CPQ: variants seen among roughly 807,000 people sequenced by gnomAD.
The protein encoded by CPQ is carboxypeptidase Q, also known as Ser-Met dipeptidase.
In CPQ, 37 loss-of-function variants were observed where a neutral mutation model predicts 45.7. The observed-to-expected ratio is 0.81, with a 90% CI of 0.62 to 1.07. CPQ has a LOEUF of 1.07. Among genes scored for constraint, CPQ ranks in the 50% least tolerant of loss-of-function variants. CPQ has a pLI of 0.00. For missense variants in CPQ, 537 were observed against 572.9 expected (o/e 0.94, Z 0.64); for synonymous variants, 186 against 205.8 (o/e 0.90, Z 0.82).
chr8:96,727,616 G>C (rs911709235), intron 1 of CPQ, among the ~76,000 whole-genome samples: 1 of 152,066 alleles, frequency 6.6e-6, no homozygotes, highest in Non-Finnish European at 1.5e-5. Context: ...TAACTCTTAG[G>C]CCTCCCTGAC....
chr8:96,854,964 T>C (rs1262292245), intron 3 of CPQ, among the ~76,000 whole-genome samples: 1 of 152,198 alleles, frequency 6.6e-6, no homozygotes, highest in Admixed American at 6.5e-5. Flanking sequence ...ATAAATGTCA[T>C]GGGAAGGTAT....
chr8:96,845,287 G>T (rs978527806), intron 3 of CPQ, among the ~76,000 whole-genome samples: 1 of 152,054 alleles, frequency 6.6e-6, no homozygotes, highest in Non-Finnish European at 1.5e-5. Flanking sequence ...ATGTACTTCT[G>T]CATAAAAATA....
At chr8:96,972,000 C>A (rs571913331) in intron 5 of CPQ, among the ~76,000 whole-genome samples, 2 of 152,342 alleles carry the variant, frequency 1.3e-5, no homozygotes, top group East Asian at 3.9e-4. Context: ...CCAAGAGAAT[C>A]CACAGACCCT....
intron 1 of CPQ, among the ~76,000 whole-genome samples, chr8:96,765,994 A>C (rs1810463550): frequency 6.6e-6 from 1 of 152,080 alleles, no homozygotes; most frequent in Admixed American, 6.5e-5. Context: ...AGGCCCTCCC[A>C]CTCCAAACCA....
intron 7 of CPQ, among the ~76,000 whole-genome samples, chr8:97,124,921 A>G (rs142611946): frequency 0.024 from 3,584 of 152,268 alleles, 69 homozygotes; most frequent in Admixed American, 0.059. Context: ...GTAGAAATCA[A>G]TGAAATAGAA....
intron 2 of CPQ, among the ~76,000 whole-genome samples, chr8:96,819,052 C>T (rs961657167): frequency 1.6e-4 from 24 of 152,004 alleles, no homozygotes; most frequent in African/African-American, 5.3e-4. Flanking sequence ...GTCTGTCTCT[C>T]CTCTACTCCG....
rs112691915 is a variant in CPQ at position 97,125,438 on chromosome 8, C to T, written c.1256-17582C>T. On this transcript the variant is annotated intron_variant, in intron 7 of 7. Coordinates refer to ENST00000220763, the MANE Select transcript of CPQ (RefSeq NM_016134.4). ...CAAAACCAAAGATATGGTAAGAAAA[C>T]TATAGACCAATATCCTTCATAAATA... is the stretch of plus-strand genomic sequence containing the variant. Among the ~76,000 whole-genome samples, 336 of 152,220 alleles carry T rather than the reference C, an allele frequency of 2.2e-3. 1 individual carries two copies. Among genetic ancestry groups the T allele is most frequent in the African/African-American group, 7.1e-3 (295 of 41,554 alleles).
At chr8:97,095,222 G>A (rs12114373) in intron 7 of CPQ, among the ~76,000 whole-genome samples, 17,011 of 152,022 alleles carry the variant, frequency 0.11, 1,529 homozygotes, top group African/African-American at 0.25. Context: ...TACCACTTGG[G>A]TATCCTGTAG....
At chr8:96,886,987 A>T (rs1812314278) in intron 4 of CPQ, among the ~76,000 whole-genome samples, 1 of 152,064 alleles carries the variant, frequency 6.6e-6, no homozygotes, top group Admixed American at 6.6e-5. Context: ...GATTTTATGT[A>T]TCCTCCCTCT....
chr8:97,018,193 C>T (rs548239700), intron 5 of CPQ, among the ~76,000 whole-genome samples: 1 of 152,162 alleles, frequency 6.6e-6, no homozygotes, highest in South Asian at 2.1e-4. Context: ...GGGGAGAGTA[C>T]TACATCAAGG....
intron 4 of CPQ, among the ~76,000 whole-genome samples, chr8:96,900,899 A>G (rs187118845): frequency 7.2e-5 from 11 of 152,196 alleles, no homozygotes; most frequent in Non-Finnish European, 1.5e-4. Flanking sequence ...CATGAAGGAC[A>G]AATCCAAATA....
In CPQ at chr8:96,938,523, G is replaced by A. The variant is rs1813083293; in HGVS notation, c.850-27412G>A. Among the ~76,000 whole-genome samples the A allele has an allele frequency of 1.3e-5, 2 of 152,102 alleles. 1 individual carries two copies. Among genetic ancestry groups the A allele is most frequent in the South Asian group, 4.1e-4 (2 of 4,826 alleles). ...GATCATGATTATCAACCCTAAATCT[G>A]AAGGGGCACAGAGAGGAAGTGGTCA... is the stretch of plus-strand genomic sequence containing the variant. On this transcript the variant is annotated intron_variant, in intron 4 of 7. Transcript: ENST00000220763.
In CPQ at chr8:96,833,505, G is replaced by C. The variant is rs1049983037; in HGVS notation, c.434-1468G>C. Among the ~76,000 whole-genome samples, 15 of 152,236 alleles carry C rather than the reference G, an allele frequency of 9.9e-5. 1 individual carries two copies. The South Asian group carries it at 2.5e-3, about 25-fold the overall frequency. On this transcript the variant is annotated intron_variant, in intron 2 of 7. Coordinates refer to ENST00000220763, the MANE Select transcript of CPQ (RefSeq NM_016134.4). ...CTATCGAACCTGTTATTCATTAGGA[G>C]CAGCTGCAAACCATCAGCCAAGTTC...
intron 4 of CPQ, among the ~76,000 whole-genome samples, chr8:96,919,729 A>G (rs1274697497): frequency 6.6e-6 from 1 of 152,196 alleles, no homozygotes; most frequent in East Asian, 1.9e-4. Flanking sequence ...CTAATTAGAT[A>G]GAGATATCTT....
intron 4 of CPQ, among the ~76,000 whole-genome samples, chr8:96,898,751 A>G (rs1288707940): frequency 1.4e-5 from 2 of 143,140 alleles, no homozygotes; most frequent in Non-Finnish European, 3.0e-5. Context: ...CAATGTGCAC[A>G]TGTACCCTAA....
At chr8:96,658,919 G>A (rs1815667744) in intron 1 of CPQ, among the ~76,000 whole-genome samples, 1 of 152,216 alleles carries the variant, frequency 6.6e-6, no homozygotes, top group East Asian at 1.9e-4. Context: ...GATGCATACA[G>A]TGTCAGACTT....
At chr8:97,142,978 G>A in intron 7 of CPQ, 42 bp from the exon 8 acceptor site, 1 of 1,601,938 alleles carries the variant, frequency 6.2e-7, no homozygotes, top group South Asian at 1.1e-5. Flanking sequence ...AGCAGTGTCT[G>A]TCAAAATACT....
chr8:96,951,647 A>G (rs1275868698), intron 4 of CPQ, among the ~76,000 whole-genome samples: 1 of 152,126 alleles, frequency 6.6e-6, no homozygotes, highest in African/African-American at 2.4e-5. Flanking sequence ...TTTTAAGTGG[A>G]ATAAGTTCAT....
chr8:96,694,282 T>C (rs534202976), intron 1 of CPQ, among the ~76,000 whole-genome samples: 16 of 152,040 alleles, frequency 1.1e-4, no homozygotes, highest in Admixed American at 7.2e-4. Context: ...GTAATAACGT[T>C]TAATGTAAAT....
Sources: gnomAD v4.1 joint callset for allele counts (sites outside exome capture counted in the v4.1 genomes callset) on GRCh38, gnomAD v4.1.1 for gene constraint, MANE v1.5 for transcripts, NCBI Gene and HGNC (gene_info 2026-07-23, HGNC 2026-07-21) for gene names.